CAMK2D: variants seen among roughly 807,000 people sequenced by gnomAD.
CAMK2D encodes the protein calcium/calmodulin dependent protein kinase II delta.
A neutral mutation model predicts 84.0 loss-of-function variants in CAMK2D; 37 were observed. The observed-to-expected ratio is 0.44, with a 90% CI of 0.34 to 0.58. The LOEUF is 0.58. Ranked by LOEUF, CAMK2D falls within the 20% of genes least tolerant of loss-of-function variation. CAMK2D has a pLI of 0.02. For missense variants in CAMK2D, 448 were observed against 652.5 expected (o/e 0.69, Z 3.41); for synonymous variants, 202 against 212.5 (o/e 0.95, Z 0.43).
intron 16 of CAMK2D, among the ~76,000 whole-genome samples, chr4:113,473,812 T>C (rs1005421981): frequency 6.6e-6 from 1 of 152,190 alleles, no homozygotes; most frequent in African/African-American, 2.4e-5. Flanking sequence ...AGATCTAGCA[T>C]TGGGATCATT....
At chr4:113,543,773 T>TTTA (rs2098547495) in intron 6 of CAMK2D, among the ~76,000 whole-genome samples, 1 of 108,514 alleles carries the variant, frequency 9.2e-6, no homozygotes, top group Non-Finnish European at 1.7e-5. Context: ...ATCAAGTTTA[T>TTTA]TTATTTATTT....
chr4:113,625,356 A>G (rs970054275), intron 3 of CAMK2D, among the ~76,000 whole-genome samples: 4 of 152,190 alleles, frequency 2.6e-5, no homozygotes, highest in Non-Finnish European at 5.9e-5. Context: ...ATATGTAAAT[A>G]TATACATAGG....
intron 2 of CAMK2D, among the ~76,000 whole-genome samples, chr4:113,692,680 T>TCATA (rs1050799886): frequency 4.6e-5 from 7 of 151,614 alleles, no homozygotes; most frequent in East Asian, 1.9e-4. Flanking sequence ...ACATACATAC[T>TCATA]CATACATACA....
At chr4:113,474,498 C>CA (rs2097581434) in intron 16 of CAMK2D, among the ~76,000 whole-genome samples, 1 of 89,822 alleles carries the variant, frequency 1.1e-5, no homozygotes, top group Non-Finnish European at 2.1e-5. Flanking sequence ...CCTTTTTGGC[C>CA]TTTTTTTTTT....
intron 8 of CAMK2D, among the ~76,000 whole-genome samples, chr4:113,523,313 C>G (rs2098385366): frequency 6.6e-6 from 1 of 152,098 alleles, no homozygotes; most frequent in Non-Finnish European, 1.5e-5. Context: ...GGTAGTATTG[C>G]TTAGCTTTGG....
At chr4:113,542,694 A>T (rs537771974) in intron 6 of CAMK2D, among the ~76,000 whole-genome samples, 2 of 151,136 alleles carry the variant, frequency 1.3e-5, no homozygotes, top group Non-Finnish European at 2.9e-5. Flanking sequence ...CAGCCTGGGC[A>T]ACAGAGCGAG....
chr4:113,735,066 C>A (rs1397133996), intron 2 of CAMK2D, among the ~76,000 whole-genome samples: 1 of 151,540 alleles, frequency 6.6e-6, no homozygotes, highest in South Asian at 2.1e-4. Flanking sequence ...ACAATAAAAA[C>A]GTTTGCCTGT....
intron 16 of CAMK2D, among the ~76,000 whole-genome samples, chr4:113,478,637 C>A (rs891290102): frequency 6.6e-6 from 1 of 152,076 alleles, no homozygotes; most frequent in Non-Finnish European, 1.5e-5. Flanking sequence ...GGACCATTAA[C>A]CTTTCCAGAG....
At chr4:113,637,698 T>C (rs1216648266) in intron 3 of CAMK2D, among the ~76,000 whole-genome samples, 1 of 152,142 alleles carries the variant, frequency 6.6e-6, no homozygotes, top group Non-Finnish European at 1.5e-5. Flanking sequence ...AACTTGGATG[T>C]AAATTTCTAT....
intron 6 of CAMK2D, among the ~76,000 whole-genome samples, chr4:113,540,343 C>T (rs969404634): frequency 3.3e-5 from 5 of 152,166 alleles, no homozygotes; most frequent in African/African-American, 1.2e-4. Context: ...AGGAGCACCA[C>T]TACACAATTA....
At chr4:113,559,411 A>AT (rs2098687703) in intron 4 of CAMK2D, among the ~76,000 whole-genome samples, 1 of 152,202 alleles carries the variant, frequency 6.6e-6, no homozygotes, top group Admixed American at 6.5e-5. Flanking sequence ...GTATTATCAC[A>AT]TTTTTTGCTC....
intron 3 of CAMK2D, among the ~76,000 whole-genome samples, chr4:113,639,914 T>G (rs2154293423): frequency 6.6e-6 from 1 of 152,216 alleles, no homozygotes; most frequent in East Asian, 1.9e-4. Context: ...AAAAACCCCA[T>G]TCTTCATAGC....
At chr4:113,718,940 A>G (rs954194140) in intron 2 of CAMK2D, among the ~76,000 whole-genome samples, 3 of 152,208 alleles carry the variant, frequency 2.0e-5, no homozygotes, top group Admixed American at 2.0e-4. Flanking sequence ...CCTAAATACT[A>G]CTAAATATTA....
chr4:113,647,297 G>A (rs1229969078), intron 3 of CAMK2D, among the ~76,000 whole-genome samples: 1 of 152,132 alleles, frequency 6.6e-6, no homozygotes, highest in African/African-American at 2.4e-5. Context: ...CAATTTCTAT[G>A]CTTCAATTTA....
chr4:113,729,714 G>A (rs1380810365), intron 2 of CAMK2D, among the ~76,000 whole-genome samples: 2 of 152,122 alleles, frequency 1.3e-5, no homozygotes, highest in African/African-American at 2.4e-5. Context: ...CCAATTTAAC[G>A]GTGTGTAGAG....
chr4:113,602,249 C>G (rs1483593186), intron 4 of CAMK2D, among the ~76,000 whole-genome samples: 2 of 151,810 alleles, frequency 1.3e-5, no homozygotes, highest in Admixed American at 1.3e-4. Context: ...TTTTTGGTCT[C>G]TTGAACAAGT....
At chr4:113,543,390 T>G (rs1311144411) in intron 6 of CAMK2D, among the ~76,000 whole-genome samples, 4 of 151,922 alleles carry the variant, frequency 2.6e-5, no homozygotes, top group Non-Finnish European at 5.9e-5. Flanking sequence ...TTGATTTTTT[T>G]TTTTTTTTTG....
intron 2 of CAMK2D, among the ~76,000 whole-genome samples, chr4:113,727,523 T>C (rs541235512): frequency 6.6e-6 from 1 of 152,176 alleles, no homozygotes; most frequent in East Asian, 1.9e-4. Flanking sequence ...AAAAGTAAAT[T>C]CTAAATGAAT....
chr4:113,482,522 T>C (rs927795464), intron 16 of CAMK2D, among the ~76,000 whole-genome samples: 4 of 152,184 alleles, frequency 2.6e-5, no homozygotes, highest in East Asian at 3.8e-4. Context: ...AGTATTGCAA[T>C]GAGTAATGCA....
Sources: allele counts gnomAD v4.1 joint callset (sites outside exome capture counted in the v4.1 genomes callset), GRCh38; gene constraint gnomAD v4.1.1; transcripts MANE v1.5; gene names NCBI Gene and HGNC (gene_info 2026-07-23, HGNC 2026-07-21).